The following FYB2 variants were observed in gnomAD, a reference collection of about 807,000 sequenced individuals.
The protein encoded by FYB2 is FYN binding protein 2.
Under a neutral mutation model 94.1 loss-of-function variants are expected in FYB2, and 103 were observed. The ratio of observed to expected loss-of-function variants is 1.09; its 90% CI spans 0.93 to 1.29. The LOEUF (loss-of-function observed/expected upper bound fraction) is 1.29. FYB2 is among the 50% of genes most tolerant of loss of function. The pLI is 0.00. For synonymous variants in FYB2, 293 were observed against 287.9 expected (o/e 1.02, Z -0.18); for missense variants, 896 against 841.5 (o/e 1.06, Z -0.80).
upstream of FYB2, among the ~76,000 whole-genome samples, chr1:56,822,613 A>G (rs1056753398): frequency 8.6e-5 from 13 of 152,020 alleles, no homozygotes; most frequent in African/African-American, 3.1e-4. Flanking sequence ...ATGTTTCCAA[A>G]CCTTACTTTC....
At chr1:56,751,277 T>C (rs1645192366) in intron 8 of FYB2, 74 bp from the exon 9 acceptor site, 2 of 1,362,300 alleles carry the variant, frequency 1.5e-6, no homozygotes, top group East Asian at 2.3e-5. Context: ...CTTGTACAGT[T>C]TTTCATTCAT....
At position 56,719,259 on chromosome 1, in the gene FYB2, T is replaced by C. The variant is rs902411508; in HGVS notation, c.*412A>G. On this transcript the variant is annotated 3_prime_UTR_variant, in exon 20 of 20. Coordinates refer to ENST00000343433, the MANE Select transcript of FYB2 (RefSeq NM_001004303.5). ...CTGTTTACTGTTCAGAATTAAATTA[T>C]ACCAAGTTTGAGTGCACAACATCTA... is the stretch of plus-strand genomic sequence containing the variant. The C allele has an allele frequency of 1.2e-5, 2 of 161,866 alleles. No homozygotes were observed. Among genetic ancestry groups the C allele is most frequent in the African/African-American group, 4.8e-5 (2 of 41,718 alleles). The allele number at this position is 161,866 out of a possible 1,614,324, so 10.0% of individuals were successfully genotyped here. A position where few individuals can be genotyped will look rare whatever the true frequency, so the allele number is the denominator to read the frequency against.
chr1:56,739,270 C>T (rs1038170540), intron 13 of FYB2, among the ~76,000 whole-genome samples: 9 of 152,004 alleles, frequency 5.9e-5, no homozygotes, highest in African/African-American at 1.4e-4. Flanking sequence ...ATGGGACTGC[C>T]GGTTATCATG....
intron 4 of FYB2, 134 bp from the exon 5 acceptor site, chr1:56,768,072 C>T (rs1645669057): frequency 1.6e-6 from 1 of 621,646 alleles, no homozygotes; most frequent in African/African-American, 1.9e-5. Context: ...ATGGGAGGCA[C>T]ACTACCCCTA....
chr1:56,758,552 G>C (rs544893516), intron 6 of FYB2, among the ~76,000 whole-genome samples, 164 bp downstream of exon 6: 45 of 152,200 alleles, frequency 3.0e-4, no homozygotes, highest in African/African-American at 1.1e-3. Context: ...ACAGTAACAG[G>C]GCTCAAAGTG....
intron 1 of FYB2, among the ~76,000 whole-genome samples, chr1:56,799,179 C>T (rs1299933001): frequency 2.0e-5 from 3 of 152,120 alleles, no homozygotes; most frequent in African/African-American, 4.8e-5. Context: ...AAGTAACTTT[C>T]CCCAGTTTAC....
chr1:56,782,229 A>G (rs1354821086), intron 4 of FYB2, among the ~76,000 whole-genome samples: 2 of 152,174 alleles, frequency 1.3e-5, no homozygotes, highest in African/African-American at 4.8e-5. Flanking sequence ...TAACTGTTTA[A>G]TTGTACCCAT....
chr1:56,814,944 C>G lies in FYB2; in HGVS notation c.9+4338G>C, dbSNP rs1646847804. ...AGGCGTGACCTTGGGAACATACTGC[C>G]ATCCCAGAATGTCAGAGCATGACAA... is the stretch of plus-strand genomic sequence containing the variant. On this transcript the variant is annotated intron_variant, in intron 1 of 19. Coordinates refer to ENST00000343433, the MANE Select transcript of FYB2 (RefSeq NM_001004303.5). Among the ~76,000 whole-genome samples, 3 of 152,148 alleles carry G rather than the reference C, an allele frequency of 2.0e-5. No individual in the cohort carries two copies. The South Asian group carries it at 6.2e-4, about 32-fold the overall frequency.
At chr1:56,804,665 G>A (rs1246741726) in intron 1 of FYB2, among the ~76,000 whole-genome samples, 1 of 152,116 alleles carries the variant, frequency 6.6e-6, no homozygotes, top group Admixed American at 6.6e-5. Flanking sequence ...AGGAGGCAGA[G>A]GTTGCAGTGA....
At chr1:56,819,885 C>A (rs1346366887), upstream of FYB2, among the ~76,000 whole-genome samples, 1 of 152,108 alleles carries the variant, frequency 6.6e-6, no homozygotes, top group East Asian at 1.9e-4. Flanking sequence ...TAAAGGAGCA[C>A]CCTGTTTTTG....
chr1:56,783,248 G>C (rs1646049151), intron 4 of FYB2, among the ~76,000 whole-genome samples: 1 of 152,142 alleles, frequency 6.6e-6, no homozygotes, highest in African/African-American at 2.4e-5. Flanking sequence ...CCACTTTACA[G>C]ATGTGTGTAT....
chr1:56,794,600 C>T (rs1646350969), intron 1 of FYB2, among the ~76,000 whole-genome samples: 2 of 152,098 alleles, frequency 1.3e-5, no homozygotes, highest in Non-Finnish European at 1.5e-5. Context: ...AAGCATGAAG[C>T]AAGTGTCAGG....
At chr1:56,776,078 C>T (rs903672922) in intron 4 of FYB2, among the ~76,000 whole-genome samples, 1 of 152,160 alleles carries the variant, frequency 6.6e-6, no homozygotes, top group Non-Finnish European at 1.5e-5. Flanking sequence ...GGAAACCACA[C>T]CTTCTGATTC....
At position 56,749,055 on chromosome 1, in the gene FYB2, G is replaced by GTT. The variant is rs60812894; in HGVS notation, c.1387+1987_1387+1988dup. 3.6e-3 allele frequency among the ~76,000 whole-genome samples: 514 copies of GTT among 141,910 alleles called. 1 individual carries two copies. Among genetic ancestry groups the GTT allele is most frequent in the Middle Eastern group, 0.015 (4 of 272 alleles). The allele number at this position is 141,910 out of a possible 152,430, so 93.1% of individuals were successfully genotyped here. ...AAATCAGCAGTCAGAACTCAGTTGTGTTTTTTTTTTTTGTGGGTGATTGGT... is the reference window on the plus strand; with the variant it reads ...AAATCAGCAGTCAGAACTCAGTTGTGTTTTTTTTTTTTTTGTGGGTGATTGGT... On this transcript the variant is annotated intron_variant, in intron 9 of 19. Transcript: ENST00000343433.
At chr1:56,737,822 T>G (rs572242855) in intron 14 of FYB2, among the ~76,000 whole-genome samples, 1 of 152,124 alleles carries the variant, frequency 6.6e-6, no homozygotes, top group African/African-American at 2.4e-5. Flanking sequence ...CAAATGTGGG[T>G]GGGGATACAA....
At position 56,792,779 on chromosome 1, in the gene FYB2, G is replaced by C; in HGVS notation, c.34C>G (p.Leu12Val). The C allele has an allele frequency of 1.2e-6, 2 of 1,612,482 alleles. No homozygotes were observed. Among genetic ancestry groups the C allele is most frequent in the Non-Finnish European group, 1.7e-6 (2 of 1,179,334 alleles). The change falls in exon 2 of 20, where the codon CTT becomes GTT. Residue 12 changes from leucine to valine, a missense_variant. By Grantham distance (32) the Leu-to-Val change is conservative. Coordinates refer to ENST00000343433, the MANE Select transcript of FYB2 (RefSeq NM_001004303.5). Reference protein sequence around the residue: ...EGEGVRNFKELRAKFQNLDAP... With the variant: ...EGEGVRNFKEVRAKFQNLDAP... ...TCAAGATTTTGAAATTTGGCTCGAA[G>C]TTCCTTGAAGTTTCTTACCCCTTCC...
chr1:56,813,631 T>C (rs1646816561), intron 1 of FYB2, among the ~76,000 whole-genome samples: 1 of 152,054 alleles, frequency 6.6e-6, no homozygotes, highest in South Asian at 2.1e-4. Flanking sequence ...GTGCTGGGGG[T>C]TAGGACTTCA....
intron 15 of FYB2, 31 bp downstream of exon 15, chr1:56,737,056 G>A: frequency 6.7e-7 from 1 of 1,498,146 alleles, no homozygotes; most frequent in Non-Finnish European, 9.3e-7. Context: ...TCAAATATCA[G>A]CAGGGATGAC....
intron 4 of FYB2, 135 bp downstream of exon 4, chr1:56,787,040 C>A (rs1372699123): frequency 1.1e-6 from 1 of 933,660 alleles, no homozygotes; most frequent in African/African-American, 1.6e-5. Context: ...CACTTTGTTG[C>A]TTATAAGTTC....
Sources: allele counts gnomAD v4.1 joint callset (sites outside exome capture counted in the v4.1 genomes callset), GRCh38; gene constraint gnomAD v4.1.1; transcripts MANE v1.5; gene names NCBI Gene and HGNC (gene_info 2026-07-23, HGNC 2026-07-21).